MCPH1: variants seen among roughly 807,000 people sequenced by gnomAD.
The protein encoded by MCPH1 is microcephalin 1.
MCPH1 carries 104 observed loss-of-function variants against 84.5 expected under a neutral mutation model. The observed-to-expected ratio is 1.23, with a 90% CI of 1.05 to 1.45. The LOEUF is 1.45. Ranked by LOEUF, MCPH1 falls within the 40% of genes most tolerant of loss-of-function variation. MCPH1 has a pLI of 0.00. For missense variants in MCPH1, 1,498 were observed against 1,005.7 expected (o/e 1.49, Z -6.62); for synonymous variants, 514 against 366.8 (o/e 1.40, Z -4.58).
chr8:6,488,260 C>G (rs958910371), intron 11 of MCPH1, among the ~76,000 whole-genome samples: 1 of 152,228 alleles, frequency 6.6e-6, no homozygotes, highest in African/African-American at 2.4e-5. Context: ...TGCGCATTTC[C>G]CAGGTTGGAG....
chr8:6,477,621 A>G lies in MCPH1; in HGVS notation c.1963A>G (p.Met655Val), dbSNP rs1284056939. The stretch of plus-strand genomic sequence containing the variant: ...AACAAGAACATTAGTCATGACAAGC[A>G]TGCCATCTGAGTAAGTACTTGTTTT... ...KPTRTLVMTS[M>V]PSEKQNVVIQ... Residue 655 changes from methionine (M) to valine (V), a missense_variant, in exon 10 of 14, where the codon ATG (methionine) becomes GTG (valine). By Grantham distance (21) the Met-to-Val change is conservative (BLOSUM62 1). Transcript: ENST00000344683. 4.3e-6 allele frequency: 7 copies of G among 1,612,866 alleles called. No homozygotes were observed. The highest frequency in any genetic ancestry group is 1.3e-5 in the African/African-American group (1 of 74,916).
At chr8:6,424,659 A>C (rs17076821) in intron 3 of MCPH1, among the ~76,000 whole-genome samples, 1 of 152,224 alleles carries the variant, frequency 6.6e-6, no homozygotes, top group African/African-American at 2.4e-5. Context: ...TATCACATCA[A>C]TGTGTAACAG....
At chr8:6,477,754 TA>T in intron 10 of MCPH1, 123 bp downstream of exon 10, 1 of 789,294 alleles carries the variant, frequency 1.3e-6, no homozygotes, top group Non-Finnish European at 2.2e-6. Context: ...TTTATAAAAT[TA>T]ATATCTGAGT....
At chr8:6,407,062 A>G (rs573721476) in intron 1 of MCPH1, 7 of 292,010 alleles carry the variant, frequency 2.4e-5, no homozygotes, top group Admixed American at 1.1e-4. Flanking sequence ...CTGTCCCCCA[A>G]ATCCCGCCTT....
At chr8:6,523,725 G>A (rs575689039) in intron 12 of MCPH1, among the ~76,000 whole-genome samples, 169 of 152,170 alleles carry the variant, frequency 1.1e-3, no homozygotes, top group African/African-American at 3.8e-3. Context: ...GAGTAGTTAG[G>A]ATTACAGGTG....
intron 3 of MCPH1, among the ~76,000 whole-genome samples, chr8:6,418,058 A>G (rs1799575245): frequency 1.3e-5 from 2 of 152,154 alleles, no homozygotes; most frequent in African/African-American, 4.8e-5. Context: ...CCTCAAACAC[A>G]TGTTGTTCAG....
chr8:6,516,443 T>C (rs181428921), intron 12 of MCPH1, among the ~76,000 whole-genome samples: 327 of 152,180 alleles, frequency 2.1e-3, no homozygotes, highest in Non-Finnish European at 3.6e-3. Flanking sequence ...TCCTGTTATG[T>C]TTTTTTTCCA....
chr8:6,408,296 A>C (rs990746702), intron 1 of MCPH1, among the ~76,000 whole-genome samples: 1 of 152,086 alleles, frequency 6.6e-6, no homozygotes, highest in Non-Finnish European at 1.5e-5. Flanking sequence ...TGATGTGATC[A>C]CATAATAGCT....
chr8:6,526,341 G>C (rs897300843), intron 12 of MCPH1, among the ~76,000 whole-genome samples: 1 of 151,594 alleles, frequency 6.6e-6, no homozygotes, highest in African/African-American at 2.4e-5. Flanking sequence ...GGCTGACATG[G>C]GAGAATCACC....
chr8:6,639,402 G>A (rs774738542), intron 13 of MCPH1, among the ~76,000 whole-genome samples: 1 of 152,180 alleles, frequency 6.6e-6, no homozygotes, highest in Non-Finnish European at 1.5e-5. Flanking sequence ...TGACTCACAT[G>A]TATAATCTAA....
chr8:6,605,486 G>A (rs539120501), intron 12 of MCPH1, among the ~76,000 whole-genome samples: 64 of 152,250 alleles, frequency 4.2e-4, no homozygotes, highest in Admixed American at 7.2e-4. Context: ...TCATGGAAAC[G>A]AACAATATGT....
At chr8:6,419,148 CACAG>C (rs1316011591) in intron 3 of MCPH1, among the ~76,000 whole-genome samples, 1 of 85,694 alleles carries the variant, frequency 1.2e-5, no homozygotes, top group African/African-American at 4.7e-5. Flanking sequence ...CACACACACA[CACAG>C]ACACACACAC....
chr8:6,420,465 G>A (rs1020655639), intron 3 of MCPH1, among the ~76,000 whole-genome samples: 4 of 152,120 alleles, frequency 2.6e-5, no homozygotes, highest in African/African-American at 7.2e-5. Context: ...TGTTATCTCC[G>A]TGTCAGTGAG....
intron 12 of MCPH1, among the ~76,000 whole-genome samples, chr8:6,521,991 T>G (rs916103380): frequency 5.9e-5 from 9 of 152,218 alleles, no homozygotes; most frequent in Non-Finnish European, 8.8e-5. Flanking sequence ...TATGCGTTAA[T>G]GTCCTCACCT....
intron 12 of MCPH1, among the ~76,000 whole-genome samples, chr8:6,509,812 A>G (rs533778379): frequency 6.6e-6 from 1 of 152,202 alleles, no homozygotes; most frequent in African/African-American, 2.4e-5. Flanking sequence ...GAACACTCAC[A>G]TTAGCCCACA....
At chr8:6,521,725 GAAGA>G (rs1432315591) in intron 12 of MCPH1, among the ~76,000 whole-genome samples, 1 of 152,232 alleles carries the variant, frequency 6.6e-6, no homozygotes, top group Non-Finnish European at 1.5e-5. Context: ...GCAGCGCTCA[GAAGA>G]AAGGTGCTGC....
intron 12 of MCPH1, chr8:6,532,557 C>T: frequency 2.0e-6 from 2 of 1,024,988 alleles, no homozygotes; most frequent in South Asian, 4.9e-5. Flanking sequence ...AAATGTTTGT[C>T]GTCTCCTCCC....
chr8:6,549,486 AGG>A (rs1192006247), intron 12 of MCPH1, among the ~76,000 whole-genome samples: 1 of 152,224 alleles, frequency 6.6e-6, no homozygotes, highest in Non-Finnish European at 1.5e-5. Flanking sequence ...AGCCACGTGC[AGG>A]GTGGGAAGCC....
chr8:6,538,318 C>T (rs1275511921), intron 12 of MCPH1, among the ~76,000 whole-genome samples: 1 of 152,180 alleles, frequency 6.6e-6, no homozygotes, highest in Non-Finnish European at 1.5e-5. Flanking sequence ...TCCCATCTTC[C>T]CGCCCAGGGT....
Sources: gnomAD v4.1 joint callset for allele counts (sites outside exome capture counted in the v4.1 genomes callset) on GRCh38, gnomAD v4.1.1 for gene constraint, MANE v1.5 for transcripts, NCBI Gene and HGNC (gene_info 2026-07-23, HGNC 2026-07-21) for gene names.